Variants in FHIT observed in about 807,000 individuals in gnomAD.
The protein encoded by FHIT is fragile histidine triad diadenosine triphosphatase, also known as bis(5'-adenosyl)-triphosphatase.
Under a neutral mutation model 17.9 loss-of-function variants are expected in FHIT, and 19 were observed. The observed-to-expected ratio is 1.06, with a 90% CI of 0.74 to 1.56. The LOEUF (loss-of-function observed/expected upper bound fraction) is 1.56, where lower values mean the gene tolerates loss of function less well. Among genes scored for constraint, FHIT ranks in the 40% most tolerant of loss-of-function variants. FHIT has a pLI of 0.00. For synonymous variants in FHIT, 81 were observed against 69.7 expected (o/e 1.16, Z -0.81); for missense variants, 248 against 189.2 (o/e 1.31, Z -1.82).
At chr3:60,265,910 A>C (rs1439359282) in intron 5 of FHIT, among the ~76,000 whole-genome samples, 7 of 151,582 alleles carry the variant, frequency 4.6e-5, no homozygotes, top group Non-Finnish European at 1.0e-4. Context: ...CCTATAACTA[A>C]AAAAAAATTA....
chr3:60,351,339 C>T (rs889012960), intron 5 of FHIT, among the ~76,000 whole-genome samples: 1 of 152,228 alleles, frequency 6.6e-6, no homozygotes, highest in Non-Finnish European at 1.5e-5. Context: ...AGACGCAAGC[C>T]ACCTCATCTC....
chr3:60,030,806 C>T (rs1032506349), intron 5 of FHIT, among the ~76,000 whole-genome samples: 16 of 151,594 alleles, frequency 1.1e-4, no homozygotes, highest in Non-Finnish European at 1.8e-4. Context: ...ACTATTAGAA[C>T]GAATGACTGT....
intron 4 of FHIT, chr3:60,537,328 T>G (rs1482657191): frequency 1.1e-5 from 3 of 268,968 alleles, no homozygotes; most frequent in African/African-American, 6.9e-5. Flanking sequence ...ACCCATCTAT[T>G]TTGTCATGTC....
intron 8 of FHIT, among the ~76,000 whole-genome samples, chr3:59,845,086 T>C (rs1297467060): frequency 6.6e-6 from 1 of 152,170 alleles, no homozygotes; most frequent in Non-Finnish European, 1.5e-5. Context: ...ATTGTTTATA[T>C]TACTTGCTTA....
intron 3 of FHIT, among the ~76,000 whole-genome samples, chr3:61,038,951 C>T (rs1317501109): frequency 6.6e-6 from 1 of 152,174 alleles, no homozygotes; most frequent in Non-Finnish European, 1.5e-5. Context: ...GAACAACTCT[C>T]AGGCTGCATG....
chr3:61,084,983 T>C (rs987461432), intron 2 of FHIT, among the ~76,000 whole-genome samples: 3 of 152,348 alleles, frequency 2.0e-5, no homozygotes, highest in Admixed American at 6.5e-5. Flanking sequence ...GTATGGGCTG[T>C]TCATTCCTTT....
At chr3:61,198,903 ATGATG>A (rs1258599212) in intron 2 of FHIT, among the ~76,000 whole-genome samples, 2 of 61,228 alleles carry the variant, frequency 3.3e-5, no homozygotes, top group South Asian at 3.8e-4. Flanking sequence ...GCCGATGATG[ATGATG>A]ATGATGATGA....
At chr3:60,833,110 C>T (rs1390096999) in intron 3 of FHIT, among the ~76,000 whole-genome samples, 1 of 152,098 alleles carries the variant, frequency 6.6e-6, no homozygotes, top group African/African-American at 2.4e-5. Flanking sequence ...AGCCTGGGTG[C>T]CATTGTTCTG....
intron 4 of FHIT, among the ~76,000 whole-genome samples, chr3:60,622,320 G>A: frequency 6.6e-6 from 1 of 152,078 alleles, no homozygotes; most frequent in East Asian, 1.9e-4. Flanking sequence ...CTTCCTTAAA[G>A]CAAATCACAG....
intron 1 of FHIT, among the ~76,000 whole-genome samples, chr3:61,243,828 G>A (rs182691792): frequency 6.6e-6 from 1 of 152,272 alleles, no homozygotes; most frequent in East Asian, 1.9e-4. Context: ...TACAAGGAGG[G>A]TAGGGGAGAA....
At chr3:60,440,132 T>G (rs1236447545) in intron 5 of FHIT, among the ~76,000 whole-genome samples, 1 of 152,074 alleles carries the variant, frequency 6.6e-6, no homozygotes, top group African/African-American at 2.4e-5. Flanking sequence ...AAAGACTTCT[T>G]AAATCACTGA....
intron 5 of FHIT, among the ~76,000 whole-genome samples, chr3:60,510,701 C>G (rs1410804290): frequency 6.6e-6 from 1 of 151,650 alleles, no homozygotes; most frequent in Non-Finnish European, 1.5e-5. Context: ...CCTTCTTGAA[C>G]CTGCTCCCCC....
At chr3:61,179,346 G>A (rs895440928) in intron 2 of FHIT, among the ~76,000 whole-genome samples, 11 of 151,868 alleles carry the variant, frequency 7.2e-5, no homozygotes, top group African/African-American at 2.4e-4. Context: ...AGATCATTCC[G>A]AATTTCACAA....
chr3:60,881,465 G>C (rs1704974286), intron 3 of FHIT, among the ~76,000 whole-genome samples: 1 of 152,076 alleles, frequency 6.6e-6, no homozygotes, highest in Non-Finnish European at 1.5e-5. Flanking sequence ...CATTTCAACT[G>C]ACAGTGGCAG....
intron 4 of FHIT, among the ~76,000 whole-genome samples, chr3:60,629,429 C>G (rs1245930395): frequency 1.3e-5 from 2 of 152,126 alleles, no homozygotes; most frequent in Non-Finnish European, 2.9e-5. Flanking sequence ...TATTTTTCAT[C>G]AGTTATGGAT....
chr3:60,177,915 A>G (rs1701753286), intron 5 of FHIT, among the ~76,000 whole-genome samples: 1 of 152,192 alleles, frequency 6.6e-6, no homozygotes, highest in African/African-American at 2.4e-5. Flanking sequence ...CAAGTCCCAA[A>G]GTATTTTGAG....
chr3:60,446,138 T>C (rs1014099957), intron 5 of FHIT, among the ~76,000 whole-genome samples: 1 of 152,110 alleles, frequency 6.6e-6, no homozygotes, highest in Admixed American at 6.6e-5. Context: ...TTGAGAGTCC[T>C]GGCATTACTG....
intron 8 of FHIT, among the ~76,000 whole-genome samples, chr3:59,832,865 G>C (rs550874533): frequency 8.8e-4 from 134 of 152,310 alleles, no homozygotes; most frequent in African/African-American, 3.0e-3. Flanking sequence ...GGCAAGGACA[G>C]AATCAAGAAA....
intron 2 of FHIT, among the ~76,000 whole-genome samples, chr3:61,046,594 C>A (rs2107706316): frequency 6.6e-6 from 1 of 152,306 alleles, no homozygotes; most frequent in Non-Finnish European, 1.5e-5. Flanking sequence ...GCTTCTGAAA[C>A]TATTCCAATC....
Sources: allele counts gnomAD v4.1 joint callset (sites outside exome capture counted in the v4.1 genomes callset), GRCh38; gene constraint gnomAD v4.1.1; transcripts MANE v1.5; gene names NCBI Gene and HGNC (gene_info 2026-07-23, HGNC 2026-07-21).